NXPE2: variants seen among roughly 807,000 people sequenced by gnomAD.
NXPE2 encodes neurexophilin and PC-esterase domain family member 2, also known as NXPE family member 2.
Under a neutral mutation model 34.4 loss-of-function variants are expected in NXPE2, and 34 were observed. The observed-to-expected ratio is 0.99, with a 90% CI of 0.75 to 1.31. The LOEUF is 1.31. Ranked by LOEUF, NXPE2 falls within the 40% of genes most tolerant of loss-of-function variation. The pLI is 0.00. For missense variants in NXPE2, 649 were observed against 672.5 expected, an observed-to-expected ratio of 0.97 and a Z score of 0.39; for synonymous variants, 235 against 231.3, an observed-to-expected ratio of 1.02 and a Z score of -0.15.
chr11:114,771,710 A>G, the NXPE2 span, among the ~76,000 whole-genome samples: 1 of 152,140 alleles, frequency 6.6e-6, no homozygotes, highest in Non-Finnish European at 1.5e-5. Flanking sequence ...GTCCTCTCCT[A>G]TCTCCCTCTC....
chr11:114,678,288 G>T (rs1950881192), upstream of NXPE2: 2 of 289,264 alleles, frequency 6.9e-6, no homozygotes, highest in African/African-American at 4.3e-5. Context: ...AACACGTAAA[G>T]CCTTAACCAA....
the NXPE2 span, among the ~76,000 whole-genome samples, chr11:114,748,274 T>A: frequency 2.0e-5 from 3 of 152,344 alleles, no homozygotes; most frequent in African/African-American, 7.2e-5. Flanking sequence ...TATGTGTTGC[T>A]CCTTTGTCCC....
the NXPE2 span, among the ~76,000 whole-genome samples, chr11:114,672,071 G>T: frequency 6.6e-6 from 1 of 151,810 alleles, no homozygotes; most frequent in Non-Finnish European, 1.5e-5. Flanking sequence ...AGAAGGAGGA[G>T]GTGCTACACA....
At chr11:114,596,882 G>A in the NXPE2 span, among the ~76,000 whole-genome samples, 8 of 152,148 alleles carry the variant, frequency 5.3e-5, no homozygotes. Context: ...CAATAGATAT[G>A]CTTGACTTAA....
the NXPE2 span, among the ~76,000 whole-genome samples, chr11:114,720,179 G>C: frequency 1.3e-5 from 2 of 152,186 alleles, no homozygotes; most frequent in Admixed American, 1.3e-4. Flanking sequence ...GGAAAATAAA[G>C]TCAGAGCAGT....
intron 3 of NXPE2, 61 bp from the exon 4 acceptor site, chr11:114,703,930 G>GTGAT: frequency 8.2e-7 from 1 of 1,213,588 alleles, no homozygotes; most frequent in Non-Finnish European, 1.2e-6. Flanking sequence ...ATCTAAACCA[G>GTGAT]TGATTCCTAC....
At chr11:114,784,538 C>T in the NXPE2 span, among the ~76,000 whole-genome samples, 13 of 151,888 alleles carry the variant, frequency 8.6e-5, no homozygotes, top group Non-Finnish European at 1.6e-4. Context: ...GTGGATTTCG[C>T]GTCTCACTCA....
At chr11:114,576,589 T>C in the NXPE2 span, among the ~76,000 whole-genome samples, 3 of 151,840 alleles carry the variant, frequency 2.0e-5, no homozygotes, top group African/African-American at 7.3e-5. Context: ...AACAAACATA[T>C]GGAAAAATGC....
intron 2 of NXPE2, 129 bp from the exon 3 acceptor site, chr11:114,697,916 C>T (rs1488066547): frequency 1.1e-6 from 1 of 896,348 alleles, no homozygotes; most frequent in African/African-American, 1.7e-5. Flanking sequence ...AACTGAAAAC[C>T]AGTTAGTATC....
rs1037452986 is a variant in NXPE2 at position 114,693,115 on chromosome 11, A to G, written c.133-4930A>G. On this transcript the variant is annotated intron_variant, in intron 2 of 5. Transcript: ENST00000389586. ...AATCTTATCCAAACTATTTTCTTCA[A>G]CAGTTTAAAACCCCATGTGGTGCAC... 3.3e-5 allele frequency among the ~76,000 whole-genome samples: 5 copies of G among 152,194 alleles called. No homozygotes were observed. The East Asian group carries it at 9.6e-4, about 29-fold the overall frequency.
the NXPE2 span, among the ~76,000 whole-genome samples, chr11:114,774,118 A>G: frequency 6.6e-6 from 1 of 152,114 alleles, no homozygotes; most frequent in Non-Finnish European, 1.5e-5. Context: ...CTCCTTACTG[A>G]CCAAACCCTG....
the NXPE2 span, among the ~76,000 whole-genome samples, chr11:114,784,281 C>T: frequency 4.6e-5 from 7 of 152,288 alleles, no homozygotes; most frequent in East Asian, 5.8e-4. Flanking sequence ...GGGCTAATCC[C>T]GCAGCTCCCA....
chr11:114,755,538 T>C, the NXPE2 span, among the ~76,000 whole-genome samples: 1 of 152,212 alleles, frequency 6.6e-6, no homozygotes, highest in Non-Finnish European at 1.5e-5. Context: ...TCTTAAACCA[T>C]AGCTGGGAAA....
In NXPE2 at chr11:114,698,798, C is replaced by T. The variant is rs775482836; in HGVS notation, c.866+20C>T. The T allele has an allele frequency of 1.4e-6, 2 of 1,471,096 alleles. No individual in the cohort carries two copies. The highest frequency in any genetic ancestry group is 1.8e-6 in the Non-Finnish European group (2 of 1,113,440). 91.1% of individuals were successfully genotyped at this position (1,471,096 alleles called of 1,614,324 possible). On this transcript the variant is annotated intron_variant, in intron 3 of 5. Transcript: ENST00000389586. ...CCACAGGTAAAGAGGCTTTTAAATA[C>T]AATAGCAGATAAAAAGAGGTATCCG... is the stretch of plus-strand genomic sequence containing the variant.
rs536816247 is a variant in NXPE2, at chr11:114,681,670, T to C, written c.132+1908T>C. 2.0e-5 allele frequency among the ~76,000 whole-genome samples: 3 copies of C among 152,276 alleles called. No homozygotes were observed. In the East Asian group the frequency reaches 5.8e-4, roughly 29 times the overall value. On this transcript the variant is annotated intron_variant, in intron 2 of 5. Transcript: ENST00000389586. ...TGTTTGATTTTTTTAACATAACGATTATAATTATTACTGATAACAGGCATT... is the reference window on the plus strand; with the variant it reads ...TGTTTGATTTTTTTAACATAACGATCATAATTATTACTGATAACAGGCATT...
At chr11:114,486,530 T>C in the NXPE2 span, among the ~76,000 whole-genome samples, 15 of 152,168 alleles carry the variant, frequency 9.9e-5, no homozygotes, top group Non-Finnish European at 2.2e-4. Context: ...CATTTTTGCT[T>C]GGTTGCCTGT....
the NXPE2 span, among the ~76,000 whole-genome samples, chr11:114,593,137 C>G: frequency 9.2e-5 from 14 of 151,902 alleles, no homozygotes; most frequent in African/African-American, 2.7e-4. Flanking sequence ...TTGGATAAGA[C>G]CTCAAATGCA....
chr11:114,597,374 G>A, the NXPE2 span, among the ~76,000 whole-genome samples: 1 of 152,074 alleles, frequency 6.6e-6, no homozygotes, highest in Non-Finnish European at 1.5e-5. Context: ...AACTTTTTCT[G>A]TAAAGAATCA....
the NXPE2 span, among the ~76,000 whole-genome samples, chr11:114,476,874 C>T: frequency 6.6e-5 from 10 of 152,026 alleles, no homozygotes; most frequent in African/African-American, 1.2e-4. Context: ...GAAGGGAGGA[C>T]GAGCTGGTTG....
Sources: allele counts gnomAD v4.1 joint callset (sites outside exome capture counted in the v4.1 genomes callset), GRCh38; gene constraint gnomAD v4.1.1; transcripts MANE v1.5; gene names NCBI Gene and HGNC (gene_info 2026-07-23, HGNC 2026-07-21).